The following CELF1 variants were observed in gnomAD, a reference collection of about 807,000 sequenced individuals.
CELF1 encodes the protein CUGBP Elav-like family member 1.
A neutral mutation model predicts 61.8 loss-of-function variants in CELF1; 10 were observed. That is an observed-to-expected ratio of 0.16 (90% CI 0.10 to 0.27). The LOEUF is 0.27. CELF1 is among the 10% of genes least tolerant of loss of function. CELF1 has a pLI of 1.00. For synonymous variants in CELF1, 236 were observed against 225.1 expected, an observed-to-expected ratio of 1.05 and a Z score of -0.43; for missense variants, 380 against 639.1, an observed-to-expected ratio of 0.59 and a Z score of 4.37.
chr11:47,487,934 T>TA (rs888118857), intron 4 of CELF1, among the ~76,000 whole-genome samples: 24 of 152,208 alleles, frequency 1.6e-4, no homozygotes, highest in African/African-American at 5.3e-4. Flanking sequence ...TCTCATGAGA[T>TA]ACAATATAGA....
chr11:47,549,533 T>G (rs889278458), intron 1 of CELF1, among the ~76,000 whole-genome samples: 7 of 151,986 alleles, frequency 4.6e-5, no homozygotes, highest in African/African-American at 1.7e-4. Context: ...CATGGATGAG[T>G]CTTGAGGACA....
At chr11:47,487,284 G>A in intron 4 of CELF1, 43 bp from the exon 5 acceptor site, 1 of 1,485,448 alleles carries the variant, frequency 6.7e-7, no homozygotes. Context: ...TTGGAAAGCA[G>A]AGAATTCCTA....
At chr11:47,527,022 G>A (rs2096268372) in intron 1 of CELF1, among the ~76,000 whole-genome samples, 1 of 151,260 alleles carries the variant, frequency 6.6e-6, no homozygotes, top group South Asian at 2.1e-4. Flanking sequence ...CTGCACTCCA[G>A]CCTGGGCGAC....
chr11:47,565,021 G>A (rs2097240293), intron 1 of CELF1, among the ~76,000 whole-genome samples: 2 of 152,106 alleles, frequency 1.3e-5, no homozygotes, highest in South Asian at 4.1e-4. Context: ...CCTCAACCCA[G>A]GACCCCTGTT....
At chr11:47,529,305 T>C (rs1378457755) in intron 1 of CELF1, among the ~76,000 whole-genome samples, 2 of 151,880 alleles carry the variant, frequency 1.3e-5, no homozygotes, top group Non-Finnish European at 2.9e-5. Flanking sequence ...TCCCAGCACT[T>C]TGGGAGGCTG....
At chr11:47,512,314 G>A (rs1430449647) in intron 1 of CELF1, among the ~76,000 whole-genome samples, 1 of 151,978 alleles carries the variant, frequency 6.6e-6, no homozygotes, top group Non-Finnish European at 1.5e-5. Flanking sequence ...CACCAAGCCT[G>A]GCTAATTTTT....
intron 1 of CELF1, among the ~76,000 whole-genome samples, chr11:47,506,223 G>A (rs1273739304): frequency 1.3e-5 from 2 of 151,036 alleles, no homozygotes. Flanking sequence ...TCAAGAGATA[G>A]AGACCATCCT....
intron 1 of CELF1, among the ~76,000 whole-genome samples, chr11:47,542,496 A>ATTTT (rs112443041): frequency 3.3e-5 from 4 of 121,806 alleles, no homozygotes; most frequent in Non-Finnish European, 3.5e-5. Flanking sequence ...TACTTTCTCC[A>ATTTT]TTTTTTTTTT....
chr11:47,495,434 A>G lies in CELF1; in HGVS notation c.71+4019T>C, dbSNP rs539319794. ...GAGGGGAATGGTTGCTAATGGGTAC[A>G]GGGTTTCTTTTAAGGGTGATGAAAT... On this transcript the variant is annotated intron_variant, in intron 3 of 14. Transcript: ENST00000687097. Among the ~76,000 whole-genome samples the G allele has an allele frequency of 2.6e-5, 4 of 152,338 alleles. No individual in the cohort carries two copies. In the East Asian group the frequency reaches 7.7e-4, roughly 29 times the overall value.
intron 1 of CELF1, among the ~76,000 whole-genome samples, chr11:47,506,704 C>T (rs930305353): frequency 6.6e-6 from 1 of 152,174 alleles, no homozygotes; most frequent in Non-Finnish European, 1.5e-5. Context: ...TTCTAGCTTC[C>T]CAGGGACACA....
At position 47,471,455 on chromosome 11, in the gene CELF1, C is replaced by T. The variant is rs934978065; in HGVS notation, c.*775G>A. On this transcript the variant is annotated 3_prime_UTR_variant, in exon 15 of 15. Coordinates refer to ENST00000687097, the MANE Select transcript of CELF1 (RefSeq NM_001376376.1). The stretch of plus-strand genomic sequence containing the variant: ...GCTGTTTCTCCCAAACTGCCACCAG[C>T]CAGGCAAGGCCAATCCAATACTGAC... The T allele has an allele frequency of 6.6e-6, 1 of 152,196 alleles. No homozygotes were observed. The highest frequency in any genetic ancestry group is 2.4e-5 in the African/African-American group (1 of 41,440). 9.4% of individuals were successfully genotyped at this position (152,196 alleles called of 1,614,324 possible).
intron 1 of CELF1, among the ~76,000 whole-genome samples, chr11:47,518,861 C>T (rs1304979022): frequency 1.3e-5 from 2 of 152,184 alleles, no homozygotes; most frequent in East Asian, 1.9e-4. Flanking sequence ...AGCCAAGAAC[C>T]CTGCCTTTAC....
chr11:47,559,074 A>T (rs190781472), intron 2 of CELF1, among the ~76,000 whole-genome samples: 2,218 of 143,206 alleles, frequency 0.015, 44 homozygotes, highest in African/African-American at 0.047. Context: ...ATAATAATAT[A>T]ATATATAATA....
intron 3 of CELF1, among the ~76,000 whole-genome samples, chr11:47,493,339 TAA>T (rs11458910): frequency 3.1e-5 from 4 of 127,966 alleles, no homozygotes; most frequent in Admixed American, 8.1e-5. Context: ...CGTCCCTACT[TAA>T]AAAAAAAAAA....
intron 1 of CELF1, among the ~76,000 whole-genome samples, chr11:47,510,157 A>C (rs1245092227): frequency 6.6e-6 from 1 of 152,182 alleles, no homozygotes; most frequent in Non-Finnish European, 1.5e-5. Context: ...ACCTGCGATA[A>C]ATGTTTAAAG....
intron 1 of CELF1, among the ~76,000 whole-genome samples, chr11:47,538,891 C>T (rs970659681): frequency 6.6e-6 from 1 of 152,166 alleles, no homozygotes; most frequent in Non-Finnish European, 1.5e-5. Flanking sequence ...TCTCACAGAT[C>T]ATTCATGAAG....
rs2077174915 is a variant in CELF1 at position 47,469,231 on chromosome 11, A to C, written c.*2999T>G. The C allele has an allele frequency of 6.6e-6, 1 of 152,286 alleles. No homozygotes were observed. The highest frequency in any genetic ancestry group is 1.5e-5 in the Non-Finnish European group (1 of 68,100). The allele number at this position is 152,286 out of a possible 1,614,324, so 9.4% of individuals were successfully genotyped here. On this transcript the variant is annotated 3_prime_UTR_variant, in exon 15 of 15. Coordinates refer to ENST00000687097, the MANE Select transcript of CELF1 (RefSeq NM_001376376.1). ...CTCCCCACTCCCTGGTCACAACCCA[A>C]GGGGAAGCAGAAGATGCTGGCTGGG... is the stretch of plus-strand genomic sequence containing the variant.
chr11:47,550,935 G>C (rs1483781642), intron 1 of CELF1, among the ~76,000 whole-genome samples: 1 of 151,936 alleles, frequency 6.6e-6, no homozygotes, highest in Admixed American at 6.6e-5. Flanking sequence ...GTAAATGACA[G>C]AGCAAGCATT....
intron 1 of CELF1, among the ~76,000 whole-genome samples, chr11:47,539,422 C>T (rs535948404): frequency 3.3e-5 from 5 of 152,076 alleles, no homozygotes; most frequent in Non-Finnish European, 5.9e-5. Flanking sequence ...GAGGCCGATG[C>T]GGACAGAACA....
Sources: allele counts gnomAD v4.1 joint callset (sites outside exome capture counted in the v4.1 genomes callset), GRCh38; gene constraint gnomAD v4.1.1; transcripts MANE v1.5; gene names NCBI Gene and HGNC (gene_info 2026-07-23, HGNC 2026-07-21).